Variants in CACNA2D1 observed in about 807,000 individuals in gnomAD.
The protein encoded by CACNA2D1 is calcium voltage-gated channel auxiliary subunit alpha2delta 1, also known as voltage-dependent calcium channel subunit alpha-2/delta-1.
Under a neutral mutation model 171.5 loss-of-function variants are expected in CACNA2D1, and 53 were observed. That is an observed-to-expected ratio of 0.31 (90% CI 0.25 to 0.39). CACNA2D1 has a LOEUF of 0.39. Ranked by LOEUF, CACNA2D1 falls within the 10% of genes least tolerant of loss-of-function variation. The pLI is 1.00. For missense variants in CACNA2D1, 903 were observed against 1,299.8 expected, an observed-to-expected ratio of 0.69 and a Z score of 4.69; for synonymous variants, 442 against 443.1, an observed-to-expected ratio of 1.00 and a Z score of 0.03.
chr7:82,372,925 C>T (rs957035391), intron 1 of CACNA2D1, among the ~76,000 whole-genome samples: 5 of 152,128 alleles, frequency 3.3e-5, no homozygotes, highest in African/African-American at 9.7e-5. Context: ...TGGCTCATGC[C>T]TATAATCCCA....
At chr7:81,959,200 AT>A (rs1793800661) in intron 38 of CACNA2D1, 74 bp downstream of exon 38, 4 of 1,075,044 alleles carry the variant, frequency 3.7e-6, no homozygotes, top group Non-Finnish European at 4.3e-6. Context: ...TAAAATTGCA[AT>A]TTGTATCCTT....
chr7:82,122,986 A>G (rs1789921113), intron 5 of CACNA2D1, among the ~76,000 whole-genome samples: 1 of 152,216 alleles, frequency 6.6e-6, no homozygotes, highest in African/African-American at 2.4e-5. Context: ...TCATACAACT[A>G]AGATCTAATT....
At chr7:82,311,469 T>C (rs1814457269) in intron 3 of CACNA2D1, among the ~76,000 whole-genome samples, 1 of 152,096 alleles carries the variant, frequency 6.6e-6, no homozygotes, top group Non-Finnish European at 1.5e-5. Flanking sequence ...TAATTTTTTA[T>C]CACTGTTTTT....
At chr7:82,091,651 A>G (rs528051559) in intron 6 of CACNA2D1, among the ~76,000 whole-genome samples, 4 of 152,332 alleles carry the variant, frequency 2.6e-5, no homozygotes, top group Admixed American at 2.6e-4. Flanking sequence ...TAAAATGATA[A>G]TTGTAAGATT....
At chr7:82,330,426 C>T (rs543061658) in intron 3 of CACNA2D1, among the ~76,000 whole-genome samples, 5 of 152,088 alleles carry the variant, frequency 3.3e-5, no homozygotes, top group Admixed American at 3.3e-4. Context: ...TTTTAACTTC[C>T]TTTTTTCAAA....
chr7:82,076,133 T>C (rs1584651471), intron 7 of CACNA2D1, among the ~76,000 whole-genome samples: 1 of 152,052 alleles, frequency 6.6e-6, no homozygotes, highest in Non-Finnish European at 1.5e-5. Context: ...CTGTGAAAAA[T>C]AAGACAGATT....
chr7:82,443,531 G>C lies in CACNA2D1; in HGVS notation c.-72C>G. ...GGAGCGGCGCTGGAAACCGCGGGCG[G>C]AGGAAGAGCAGCACACGCCGCCGGG... On this transcript the variant is annotated 5_prime_UTR_variant, in exon 1 of 39. Coordinates refer to ENST00000356860, the MANE Select transcript of CACNA2D1 (RefSeq NM_000722.4). 43 of 1,567,098 alleles carry C rather than the reference G, an allele frequency of 2.7e-5. No homozygotes were observed. The highest frequency in any genetic ancestry group is 3.6e-5 in the Non-Finnish European group (42 of 1,157,290).
chr7:82,005,965 G>A, intron 16 of CACNA2D1, 126 bp from the exon 17 acceptor site: 1 of 709,176 alleles, frequency 1.4e-6, no homozygotes, highest in Non-Finnish European at 2.6e-6. Flanking sequence ...GTATATATAG[G>A]GTGAAGCACT....
chr7:82,404,452 G>C (rs1220095154), intron 1 of CACNA2D1, among the ~76,000 whole-genome samples: 1 of 152,174 alleles, frequency 6.6e-6, no homozygotes, highest in Admixed American at 6.5e-5. Context: ...GTTCAAATAA[G>C]TTAGGGAAGA....
At chr7:82,187,053 A>G (rs1227726368) in intron 3 of CACNA2D1, among the ~76,000 whole-genome samples, 2 of 152,186 alleles carry the variant, frequency 1.3e-5, no homozygotes, top group African/African-American at 4.8e-5. Context: ...TAAGGCTGCA[A>G]ATGATAATAA....
intron 1 of CACNA2D1, among the ~76,000 whole-genome samples, chr7:82,406,608 C>T (rs994482336): frequency 6.6e-6 from 1 of 152,186 alleles, no homozygotes; most frequent in Non-Finnish European, 1.5e-5. Context: ...GATGGTATCT[C>T]ATTGTGGTTT....
intron 12 of CACNA2D1, among the ~76,000 whole-genome samples, chr7:82,026,655 T>C (rs1469678551): frequency 1.3e-5 from 2 of 151,752 alleles, no homozygotes; most frequent in African/African-American, 4.8e-5. Context: ...TATTAATATC[T>C]GTGGGCTGCA....
intron 18 of CACNA2D1, among the ~76,000 whole-genome samples, chr7:82,002,855 G>A (rs577934137): frequency 1.4e-4 from 21 of 151,494 alleles, no homozygotes; most frequent in African/African-American, 4.9e-4. Context: ...TATTCTGGGG[G>A]CTTTTAAAGA....
At chr7:82,040,919 G>T (rs1803883369) in intron 10 of CACNA2D1, among the ~76,000 whole-genome samples, 1 of 152,064 alleles carries the variant, frequency 6.6e-6, no homozygotes, top group African/African-American at 2.4e-5. Context: ...AGGTTGCAGT[G>T]AGCCAAGATC....
intron 3 of CACNA2D1, among the ~76,000 whole-genome samples, chr7:82,268,651 G>C (rs1017860701): frequency 6.6e-6 from 1 of 151,438 alleles, no homozygotes; most frequent in African/African-American, 2.4e-5. Flanking sequence ...TGTGGAGCAA[G>C]CTGTCTTGCA....
intron 3 of CACNA2D1, among the ~76,000 whole-genome samples, chr7:82,330,947 G>A (rs1309520948): frequency 6.6e-6 from 1 of 152,034 alleles, no homozygotes; most frequent in East Asian, 1.9e-4. Flanking sequence ...TGTACCAGGA[G>A]CATAAGCATT....
intron 4 of CACNA2D1, among the ~76,000 whole-genome samples, chr7:82,166,077 C>A (rs530727504): frequency 6.6e-6 from 1 of 151,988 alleles, no homozygotes; most frequent in African/African-American, 2.4e-5. Flanking sequence ...TCAATAAAAA[C>A]GATGCAATTT....
chr7:82,410,668 C>G (rs1827545786), intron 1 of CACNA2D1: 1 of 197,728 alleles, frequency 5.1e-6, no homozygotes, highest in Admixed American at 6.5e-5. Context: ...ATCCTGCTCC[C>G]AACTGCTGCT....
At position 81,947,256 on chromosome 7, in the gene CACNA2D1, A is replaced by G. The variant is rs1033690636; in HGVS notation, c.*3136T>C. On this transcript the variant is annotated 3_prime_UTR_variant, in exon 39 of 39. Coordinates refer to ENST00000356860, the MANE Select transcript of CACNA2D1 (RefSeq NM_000722.4). ...AAGGGATACTGCCTATTTGAACCCG[A>G]TAAGTCCAGTTTTAAAGTTAATAAA... 6.6e-5 allele frequency: 10 copies of G among 151,938 alleles called. No homozygotes were observed. Among genetic ancestry groups the G allele is most frequent in the East Asian group, 1.9e-4 (1 of 5,176 alleles). The allele number at this position is 151,938 out of a possible 1,614,324, so 9.4% of individuals were successfully genotyped here.
Sources: gnomAD v4.1 joint callset for allele counts (sites outside exome capture counted in the v4.1 genomes callset) on GRCh38, gnomAD v4.1.1 for gene constraint, MANE v1.5 for transcripts, NCBI Gene and HGNC (gene_info 2026-07-23, HGNC 2026-07-21) for gene names.